The following PCDHGA2 variants were observed in gnomAD, a reference collection of about 807,000 sequenced individuals.
The protein encoded by PCDHGA2 is protocadherin gamma subfamily A, 2, also known as protocadherin gamma-A2.
In PCDHGA2, 40 loss-of-function variants were observed where a neutral mutation model predicts 59.2. That is an observed-to-expected ratio of 0.68 (90% CI 0.52 to 0.88). The LOEUF (loss-of-function observed/expected upper bound fraction) is 0.88. Ranked by LOEUF, PCDHGA2 falls within the 40% of genes least tolerant of loss-of-function variation. The probability of loss-of-function intolerance (pLI) is 0.00; values close to 1 mark genes in which losing one functional copy is unlikely to be tolerated. For synonymous variants in PCDHGA2, 560 were observed against 526.0 expected (o/e 1.06, Z -0.89); for missense variants, 1,226 against 1,204.0 (o/e 1.02, Z -0.27).
rs770219250 is a variant in PCDHGA2, at chr5:141,477,852, T to C, written c.2425-16955T>C. Reference sequence around the variant, plus strand: ...CGGCCAGGTGGGAGCTCGGTGGAGATGCTGCCTCGAGGTACCTCAGCTGGC... The same window carrying C: ...CGGCCAGGTGGGAGCTCGGTGGAGACGCTGCCTCGAGGTACCTCAGCTGGC... On this transcript the variant is annotated intron_variant, in intron 1 of 3. Transcript: ENST00000394576. This position sits in a 1 kb window ranked among gnomAD's most constrained non-coding sequence, Gnocchi z 4.9. The C allele has an allele frequency of 6.2e-7, 1 of 1,613,654 alleles. No homozygotes were observed. Among genetic ancestry groups the C allele is most frequent in the Admixed American group, 1.7e-5 (1 of 59,980 alleles).
chr5:141,362,045 C>T (rs573308473), intron 1 of PCDHGA2: 5 of 1,610,542 alleles, frequency 3.1e-6, no homozygotes, highest in Non-Finnish European at 4.2e-6. Flanking sequence ...GACAGGGACG[C>T]GGCCCGCCAG....
At chr5:141,350,692 A>C in intron 1 of PCDHGA2, 2 of 1,612,684 alleles carry the variant, frequency 1.2e-6, no homozygotes, top group Non-Finnish European at 1.7e-6. Flanking sequence ...AGTCAGCCTT[A>C]CCCGGGGTAA....
At chr5:141,383,438 T>G (rs771107415) in intron 1 of PCDHGA2, 1 of 1,613,960 alleles carries the variant, frequency 6.2e-7, no homozygotes, top group South Asian at 1.1e-5. Flanking sequence ...CACTTCTCCC[T>G]GGCTGTGCAA....
chr5:141,445,363 T>C (rs186841717), intron 1 of PCDHGA2, among the ~76,000 whole-genome samples: 9 of 152,284 alleles, frequency 5.9e-5, no homozygotes. Context: ...CCAAGTCTGG[T>C]CCTGGGTGGT....
In PCDHGA2 at chr5:141,486,370, T is replaced by A; in HGVS notation, c.2425-8437T>A. On this transcript the variant is annotated intron_variant, in intron 1 of 3. Transcript: ENST00000394576. This position sits in a 1 kb window ranked among gnomAD's most constrained non-coding sequence, Gnocchi z 5.0. ...ACCACTTGCCATTTGCCCTCAAGTC[T>A]GCCTTCAGGAACCAGTTCTCCCTGG... 1 of 1,614,106 alleles carries A rather than the reference T, an allele frequency of 6.2e-7. No homozygotes were observed. The highest frequency in any genetic ancestry group is 8.5e-7 in the Non-Finnish European group (1 of 1,179,986).
intron 1 of PCDHGA2, chr5:141,350,494 C>G (rs764659811): frequency 6.2e-7 from 1 of 1,613,806 alleles, no homozygotes; most frequent in African/African-American, 1.3e-5. Flanking sequence ...GTTTGGAGAG[C>G]GGGGATTTGT....
At chr5:141,389,325 C>A (rs368804822) in intron 1 of PCDHGA2, 3 of 1,614,004 alleles carry the variant, frequency 1.9e-6, no homozygotes, top group Non-Finnish European at 2.5e-6. Flanking sequence ...GGACTTGGGG[C>A]CCAACGGCCA....
At chr5:141,427,945 A>G (rs747625541) in intron 1 of PCDHGA2, 22 of 1,586,364 alleles carry the variant, frequency 1.4e-5, no homozygotes, top group Middle Eastern at 1.7e-4. Flanking sequence ...GGCGACCTCA[A>G]TGACAATGTG....
In PCDHGA2 at chr5:141,485,132, T is replaced by C. The variant is rs1020670896; in HGVS notation, c.2425-9675T>C. On this transcript the variant is annotated intron_variant, in intron 1 of 3. Transcript: ENST00000394576. This position sits in a 1 kb window ranked among gnomAD's most constrained non-coding sequence, Gnocchi z 5.7. ...GGCTGTTTGGGGCGGGTCGGCTTCATCCGCGTCTCAGGAGCAAGTAGAGAA... is the reference window on the plus strand; with the variant it reads ...GGCTGTTTGGGGCGGGTCGGCTTCACCCGCGTCTCAGGAGCAAGTAGAGAA... 8.1e-6 allele frequency: 12 copies of C among 1,489,136 alleles called. No individual in the cohort carries two copies. Among genetic ancestry groups the C allele is most frequent in the East Asian group, 2.3e-5 (1 of 44,214 alleles). The allele number at this position is 1,489,136 out of a possible 1,614,324, so 92.2% of individuals were successfully genotyped here.
intron 1 of PCDHGA2, chr5:141,414,158 G>A (rs1167529832): frequency 6.2e-7 from 1 of 1,602,572 alleles, no homozygotes; most frequent in Non-Finnish European, 8.5e-7. Flanking sequence ...GCAGAAGATG[G>A]AGGAGCATAT....
At chr5:141,509,327 G>A (rs2099876237) in intron 3 of PCDHGA2, among the ~76,000 whole-genome samples, 1 of 152,188 alleles carries the variant, frequency 6.6e-6, no homozygotes, top group African/African-American at 2.4e-5. Flanking sequence ...AAGCTCTACT[G>A]CCAGCTGGGC....
intron 1 of PCDHGA2, chr5:141,376,660 T>C (rs1772971230): frequency 1.1e-6 from 1 of 886,650 alleles, no homozygotes; most frequent in African/African-American, 1.8e-5. Flanking sequence ...GACTCCCTTG[T>C]TCAGGTGAGG....
chr5:141,392,801 C>A, intron 1 of PCDHGA2: 1 of 1,570,660 alleles, frequency 6.4e-7, no homozygotes, highest in Admixed American at 1.9e-5. Flanking sequence ...GAGGATTCTG[C>A]AGCAAAACAA....
intron 1 of PCDHGA2, among the ~76,000 whole-genome samples, chr5:141,363,275 AT>A (rs1762863726): frequency 6.6e-6 from 1 of 152,224 alleles, no homozygotes; most frequent in Admixed American, 6.5e-5. Flanking sequence ...TTGCTTTTGA[AT>A]TTCCTAATTA....
At chr5:141,450,006 C>CTT (rs1554136305) in intron 1 of PCDHGA2, among the ~76,000 whole-genome samples, 6 of 132,984 alleles carry the variant, frequency 4.5e-5, no homozygotes, top group East Asian at 2.2e-4. Flanking sequence ...TGCCATGTCT[C>CTT]TTTTTTTTTT....
chr5:141,383,369 C>G, intron 1 of PCDHGA2: 1 of 1,613,978 alleles, frequency 6.2e-7, no homozygotes, highest in Non-Finnish European at 8.5e-7. Flanking sequence ...TTAAGCGAGG[C>G]TGGGGATCCA....
intron 1 of PCDHGA2, chr5:141,374,222 A>G (rs1770285698): frequency 1.2e-6 from 2 of 1,613,902 alleles, no homozygotes; most frequent in South Asian, 1.1e-5. Flanking sequence ...CTTCGTAGGC[A>G]ACATCGTCAA....
Position 141,510,990 on chromosome 5 carries a change from C to T in PCDHGA2, c.2616C>T (p.Thr872=). ...GSSTLGGGAG[T]MGLSARYGPQ... ...CCACCCTGGGAGGGGGTGCCGGCAC[C>T]ATGGGATTGAGCGCCCGCTACGGAC... The change falls in exon 4 of 4, where the codon ACC becomes ACT. Residue 872 remains threonine, a synonymous_variant. Transcript: ENST00000394576. The T allele has an allele frequency of 2.5e-6, 4 of 1,614,166 alleles. No homozygotes were observed. Among genetic ancestry groups the T allele is most frequent in the Non-Finnish European group, 3.4e-6 (4 of 1,180,014 alleles).
At chr5:141,492,382 T>C (rs71583650) in intron 1 of PCDHGA2, among the ~76,000 whole-genome samples, 2,103 of 152,322 alleles carry the variant, frequency 0.014, 36 homozygotes, top group African/African-American at 0.031. Flanking sequence ...ACAGGCCTGT[T>C]CCGGTCCACT....
Sources: allele counts gnomAD v4.1 joint callset (sites outside exome capture counted in the v4.1 genomes callset), GRCh38; gene constraint gnomAD v4.1.1; non-coding constraint Gnocchi (gnomAD v3.1); transcripts MANE v1.5; gene names NCBI Gene and HGNC (gene_info 2026-07-23, HGNC 2026-07-21).